Variants in POGZ observed in about 807,000 individuals in gnomAD.
The protein encoded by POGZ is pogo transposable element derived with ZNF domain.
POGZ carries 17 observed loss-of-function variants against 134.6 expected under a neutral mutation model. The observed-to-expected ratio is 0.13, with a 90% confidence interval of 0.09 to 0.19. POGZ has a LOEUF of 0.19. Ranked by LOEUF, POGZ falls within the 10% of genes least tolerant of loss-of-function variation. The pLI is 1.00. For synonymous variants in POGZ, 693 were observed against 657.1 expected (o/e 1.05, Z -0.84); for missense variants, 1,306 against 1,769.7 (o/e 0.74, Z 4.70).
Position 151,408,553 on chromosome 1 carries a change from G to A in POGZ, c.2090C>T (p.Pro697Leu). Reference protein sequence around the residue: ...KVTIRASRGQPRTVPVSSNDT... With the variant: ...KVTIRASRGQLRTVPVSSNDT... ...ATTAGAGGATACAGGAACAGTTCGT[G>A]GCTGCCCTCGGGAAGCCCGGATTGT... Residue 697 changes from proline to leucine, a missense_variant, in exon 14 of 19, where the codon CCA becomes CTA. Transcript: ENST00000271715. 1 of 1,610,398 alleles carries A rather than the reference G, an allele frequency of 6.2e-7. No homozygotes were observed. Among genetic ancestry groups the A allele is most frequent in the Non-Finnish European group, 8.5e-7 (1 of 1,179,102 alleles).
intron 1 of POGZ, among the ~76,000 whole-genome samples, chr1:151,458,821 G>A (rs887358354): frequency 6.9e-6 from 1 of 145,508 alleles, no homozygotes; most frequent in Non-Finnish European, 1.5e-5. Flanking sequence ...GCGCGCGCGC[G>A]CGCCGCGGCG....
intron 2 of POGZ, 97 bp downstream of exon 2, chr1:151,441,984 G>T: frequency 4.7e-6 from 4 of 858,228 alleles, no homozygotes; most frequent in Non-Finnish European, 7.3e-6. Flanking sequence ...GGTCTCCCTG[G>T]ATTCTTCAAG....
intron 1 of POGZ, among the ~76,000 whole-genome samples, chr1:151,450,593 T>TG (rs1284406059): frequency 5.3e-5 from 8 of 152,130 alleles, no homozygotes; most frequent in Non-Finnish European, 1.2e-4. Flanking sequence ...ACTCAAGTGA[T>TG]CTGCTTGCCT....
chr1:151,423,888 A>G (rs1297404862), intron 9 of POGZ, 61 bp downstream of exon 9: 4 of 1,305,550 alleles, frequency 3.1e-6, no homozygotes, highest in East Asian at 2.3e-5. Flanking sequence ...GACTTAAAAT[A>G]TATAAGAAAA....
At chr1:151,432,376 T>A (rs1195204874) in intron 3 of POGZ, among the ~76,000 whole-genome samples, 1 of 152,086 alleles carries the variant, frequency 6.6e-6, no homozygotes, top group Non-Finnish European at 1.5e-5. Context: ...GGGCCAGCAG[T>A]GGCTTATCTT....
At chr1:151,454,885 C>T (rs796834964) in intron 1 of POGZ, 4 of 152,184 alleles carry the variant, frequency 2.6e-5, no homozygotes, top group African/African-American at 7.2e-5. Context: ...CAAGGCGGGT[C>T]GATCAAGAGG....
intron 1 of POGZ, among the ~76,000 whole-genome samples, chr1:151,443,430 T>G (rs1396224900): frequency 6.6e-6 from 1 of 152,236 alleles, no homozygotes; most frequent in Non-Finnish European, 1.5e-5. Context: ...CCGGGTGCAG[T>G]GGCTCACGCC....
chr1:151,408,778 G>A lies in POGZ; in HGVS notation c.1977C>T (p.Ala659=). 1 of 1,613,962 alleles carries A rather than the reference G, an allele frequency of 6.2e-7. No individual in the cohort carries two copies. Among genetic ancestry groups the A allele is most frequent in the Non-Finnish European group, 8.5e-7 (1 of 1,179,946 alleles). The change falls in exon 13 of 19, where the codon GCC becomes GCT. Residue 659 remains alanine, a synonymous_variant. Coordinates refer to ENST00000271715, the MANE Select transcript of POGZ (RefSeq NM_015100.4). The part of the protein sequence containing the change: ...CNKCRLQFLF[A]KDKIEHKLQH... ...GAAGCTTGTGTTCAATTTTGTCCTT[G>A]GCAAAGAGAAACTGCAGCCGGCATT...
intron 1 of POGZ, among the ~76,000 whole-genome samples, chr1:151,450,331 C>T (rs150611262): frequency 3.6e-4 from 54 of 152,044 alleles, no homozygotes; most frequent in African/African-American, 1.3e-3. Flanking sequence ...CAGCACCCAG[C>T]CAGGAACTTG....
At chr1:151,455,149 T>A (rs902786957) in intron 1 of POGZ, 2 of 151,650 alleles carry the variant, frequency 1.3e-5, no homozygotes, top group African/African-American at 4.8e-5. Context: ...TGGCTTAATA[T>A]CACAAACAAG....
chr1:151,458,803 G>C (rs1055456356), intron 1 of POGZ, among the ~76,000 whole-genome samples: 2 of 145,536 alleles, frequency 1.4e-5, no homozygotes, highest in African/African-American at 2.5e-5. Flanking sequence ...GGGCCGTGGG[G>C]CGCGAGTGCG....
At chr1:151,429,857 G>A in intron 4 of POGZ, 146 bp from the exon 5 acceptor site, 11 of 454,146 alleles carry the variant, frequency 2.4e-5, no homozygotes, top group South Asian at 8.4e-5. Context: ...TGACTGAGAG[G>A]GAAAAATTTA....
chr1:151,426,480 C>G (rs569745740), intron 7 of POGZ: 182 of 152,182 alleles, frequency 1.2e-3, no homozygotes, highest in African/African-American at 4.2e-3. Flanking sequence ...ACCACCACGA[C>G]CAGCGAGTCC....
At position 151,428,388 on chromosome 1, in the gene POGZ, C is replaced by T. The variant is rs534747710; in HGVS notation, c.594G>A (p.Pro198=). 126 of 1,613,552 alleles carry T rather than the reference C, an allele frequency of 7.8e-5. No homozygotes were observed. Among genetic ancestry groups the T allele is most frequent in the Non-Finnish European group, 9.6e-5 (113 of 1,179,634 alleles). ...AGAACACTTGTGGAACTCCAACTGT[C>T]GGCTTAACAAACTGGGTACCTGGGG... ...VPAPGTQFVK[P]TVGVPQVFSQ... The change falls in exon 6 of 19, where the codon CCG becomes CCA. Residue 198 remains proline, a synonymous_variant. Transcript: ENST00000271715.
At chr1:151,408,909 C>T (rs1654151762) in intron 12 of POGZ, 81 bp from the exon 13 acceptor site, 2 of 1,151,912 alleles carry the variant, frequency 1.7e-6, no homozygotes, top group East Asian at 2.3e-5. Context: ...GAAAGCAGAT[C>T]AATGTCAACC....
Position 151,441,097 on chromosome 1 carries a change from G to T in POGZ, c.125-11C>A, listed in dbSNP as rs148722473. ...GCTGGCTCACAGAAACTGTGGGGAA[G>T]GGGAGGCATAGTCACTTGGAGACAG... On this transcript the variant is annotated splice_polypyrimidine_tract_variant and intron_variant, in intron 2 of 18. Transcript: ENST00000271715. 624 of 1,611,282 alleles carry T rather than the reference G, an allele frequency of 3.9e-4. 3 individuals are homozygous for T. In the African/African-American group the frequency reaches 6.3e-3, roughly 16 times the overall value.
chr1:151,457,232 C>A (rs111835506), intron 1 of POGZ, among the ~76,000 whole-genome samples: 19,170 of 152,146 alleles, frequency 0.13, 1,664 homozygotes, highest in Middle Eastern at 0.21. Flanking sequence ...TTGAGATACA[C>A]CACCAACACA....
At chr1:151,422,052 ATTGT>A (rs1326331756) in intron 10 of POGZ, among the ~76,000 whole-genome samples, 1 of 152,120 alleles carries the variant, frequency 6.6e-6, no homozygotes, top group Non-Finnish European at 1.5e-5. Context: ...CCCAGTCCTT[ATTGT>A]TTAATTCATT....
rs770305033 is a variant in POGZ, at chr1:151,406,635, T to C, written c.2546-4A>G. The stretch of plus-strand genomic sequence containing the variant: ...GAGTGAGCTATCCAAGTGAGTCCTA[T>C]GGAAAATGAAACAACAAAAATAGTT... On this transcript the variant is annotated splice_region_variant and splice_polypyrimidine_tract_variant and intron_variant, in intron 17 of 18. Coordinates refer to ENST00000271715, the MANE Select transcript of POGZ (RefSeq NM_015100.4). The C allele has an allele frequency of 3.1e-6, 5 of 1,606,736 alleles. No individual in the cohort carries two copies. The highest frequency in any genetic ancestry group is 2.2e-5 in the East Asian group (1 of 44,870).
Sources: gnomAD v4.1 joint callset for allele counts (sites outside exome capture counted in the v4.1 genomes callset) on GRCh38, gnomAD v4.1.1 for gene constraint, MANE v1.5 for transcripts, NCBI Gene and HGNC (gene_info 2026-07-23, HGNC 2026-07-21) for gene names.